The following ECD variants were observed in gnomAD, a reference collection of about 807,000 sequenced individuals.
ECD encodes ecdysoneless cell cycle regulator.
Under a neutral mutation model 77.2 loss-of-function variants are expected in ECD, and 59 were observed. That is an observed-to-expected ratio of 0.76 (90% CI 0.62 to 0.95). The LOEUF is 0.95. Among genes scored for constraint, ECD ranks in the 40% least tolerant of loss-of-function variants. The probability of loss-of-function intolerance (pLI) is 0.00; values close to 1 mark genes in which losing one functional copy is unlikely to be tolerated. For missense variants in ECD, 704 were observed against 763.4 expected, an observed-to-expected ratio of 0.92 and a Z score of 0.92; for synonymous variants, 233 against 267.4, an observed-to-expected ratio of 0.87 and a Z score of 1.26.
At chr10:73,136,617 C>A in intron 13 of ECD, 87 bp downstream of exon 13, 3 of 1,272,766 alleles carry the variant, frequency 2.4e-6, no homozygotes, top group South Asian at 1.4e-5. Context: ...TCTCACACAC[C>A]AAAAAAAGAA....
intron 8 of ECD, among the ~76,000 whole-genome samples, chr10:73,147,603 T>A (rs1285634834): frequency 6.6e-6 from 1 of 152,158 alleles, no homozygotes; most frequent in Non-Finnish European, 1.5e-5. Flanking sequence ...ACTTTTCGTA[T>A]TGCTGTGCCA....
At chr10:73,166,132 T>C (rs767128413) in intron 1 of ECD, among the ~76,000 whole-genome samples, 4 of 152,090 alleles carry the variant, frequency 2.6e-5, no homozygotes, top group Non-Finnish European at 4.4e-5. Flanking sequence ...TTCAGTTCCA[T>C]CCATGTTGTT....
Position 73,139,606 on chromosome 10 carries a change from C to T in ECD, c.1234+25G>A, listed in dbSNP as rs761936712. The T allele has an allele frequency of 8.6e-5, 137 of 1,585,722 alleles. 4 individuals are homozygous for T. The South Asian group carries it at 1.6e-3, about 18-fold the overall frequency. The stretch of plus-strand genomic sequence containing the variant: ...TTTAATTTTTTTTTTTTAACCCTTC[C>T]ACTGTATCCTGGTCCATCACTTACC... On this transcript the variant is annotated intron_variant, in intron 10 of 13. Transcript: ENST00000372979.
At chr10:73,153,130 C>A (rs1353433686) in intron 6 of ECD, among the ~76,000 whole-genome samples, 1 of 151,970 alleles carries the variant, frequency 6.6e-6, no homozygotes, top group Non-Finnish European at 1.5e-5. Context: ...GCTGGCCAGG[C>A]TGGTCTCAAA....
At chr10:73,147,360 C>T (rs1008790916) in intron 8 of ECD, among the ~76,000 whole-genome samples, 3 of 152,256 alleles carry the variant, frequency 2.0e-5, no homozygotes, top group Admixed American at 6.5e-5. Context: ...CCAGCCTGGC[C>T]AACATGGTGA....
At chr10:73,152,930 C>T (rs552490584) in intron 6 of ECD, among the ~76,000 whole-genome samples, 2 of 135,630 alleles carry the variant, frequency 1.5e-5, no homozygotes, top group African/African-American at 6.3e-5. Context: ...AAATTTTACC[C>T]TACTGCCTAC....
At chr10:73,140,908 T>C (rs1843048321) in intron 9 of ECD, among the ~76,000 whole-genome samples, 1 of 151,128 alleles carries the variant, frequency 6.6e-6, no homozygotes, top group African/African-American at 2.4e-5. Context: ...ATAAAACACG[T>C]ACTAAAAATA....
Position 73,154,326 on chromosome 10 carries a change from C to G in ECD, c.713G>C (p.Arg238Pro). The G allele has an allele frequency of 6.2e-7, 1 of 1,614,056 alleles. No individual in the cohort carries two copies. The highest frequency in any genetic ancestry group is 8.5e-7 in the Non-Finnish European group (1 of 1,179,988). ...ACAAGCTCGCAGGTCAATAGGGTCT[C>G]GTAGGTAAAATGCCTGGACTGCTGC... ...VAAAVQAFYL[R>P]DPIDLRACRV... Residue 238 changes from arginine (R) to proline (P), a missense_variant, in exon 6 of 14, where the codon CGA (arginine) becomes CCA (proline). Physicochemically the swap from Arg to Pro is moderately radical, Grantham distance 103 (BLOSUM62 -2). This residue lies in a region of ECD where 559 missense variants were observed against 583.7 expected (regional missense o/e 0.96). Coordinates refer to ENST00000372979, the MANE Select transcript of ECD (RefSeq NM_007265.3).
Position 73,154,541 on chromosome 10 carries a change from A to G in ECD, c.591-93T>C, listed in dbSNP as rs554157804. 4 of 1,227,510 alleles carry G rather than the reference A, an allele frequency of 3.3e-6. No homozygotes were observed. The African/African-American group carries it at 6.1e-5, about 19-fold the overall frequency. The allele number at this position is 1,227,510 out of a possible 1,614,324, so 76.0% of individuals were successfully genotyped here. The stretch of plus-strand genomic sequence containing the variant: ...CATTCTTTTTGACATCTCTTTGTTC[A>G]TCAAGAGCAGTACGTAGAGAGTGAC... On this transcript the variant is annotated intron_variant, in intron 5 of 13. Transcript: ENST00000372979.
intron 11 of ECD, 116 bp from the exon 12 acceptor site, chr10:73,138,186 C>T: frequency 1.4e-6 from 1 of 728,562 alleles, no homozygotes. Flanking sequence ...TAAGGAGGCA[C>T]AGCAAGAAAA....
intron 9 of ECD, among the ~76,000 whole-genome samples, chr10:73,146,003 A>G (rs765754335): frequency 6.6e-6 from 1 of 151,700 alleles, no homozygotes; most frequent in South Asian, 2.1e-4. Flanking sequence ...GGAAAATGTG[A>G]TATCATGATG....
intron 1 of ECD, among the ~76,000 whole-genome samples, chr10:73,167,455 G>C (rs990859488): frequency 5.9e-5 from 9 of 152,112 alleles, no homozygotes; most frequent in African/African-American, 2.2e-4. Context: ...CTTGCTGCCA[G>C]GTGATGCTTG....
chr10:73,146,187 A>G, intron 9 of ECD, 89 bp downstream of exon 9: 3 of 641,522 alleles, frequency 4.7e-6, no homozygotes, highest in Non-Finnish European at 6.5e-6. Flanking sequence ...CAAAAAAATA[A>G]ATAAATAAGA....
chr10:73,155,148 C>T (rs1426713906), intron 5 of ECD, among the ~76,000 whole-genome samples: 1 of 151,908 alleles, frequency 6.6e-6, no homozygotes. Context: ...TCCCTGCAAC[C>T]TCCACCTCCC....
chr10:73,165,338 TTTTTC>T (rs1230473002), intron 1 of ECD, among the ~76,000 whole-genome samples: 2 of 152,000 alleles, frequency 1.3e-5, no homozygotes, highest in African/African-American at 4.8e-5. Context: ...TTCTTTTCTT[TTTTTC>T]TTTTCTTTTT....
chr10:73,151,495 G>A (rs1056787850), intron 7 of ECD, among the ~76,000 whole-genome samples: 13 of 150,884 alleles, frequency 8.6e-5, no homozygotes, highest in Non-Finnish European at 1.6e-4. Flanking sequence ...CCTGCACGTT[G>A]TGCACATGTA....
intron 8 of ECD, among the ~76,000 whole-genome samples, chr10:73,147,807 C>T (rs1843148352): frequency 6.6e-6 from 1 of 152,106 alleles, no homozygotes; most frequent in Admixed American, 6.6e-5. Flanking sequence ...TTTTACCATA[C>T]TCTCGACAGC....
Position 73,163,943 on chromosome 10 carries a change from T to C in ECD, c.-6A>G, listed in dbSNP as rs762174563. The C allele has an allele frequency of 1.5e-5, 24 of 1,613,098 alleles. No homozygotes were observed. In the East Asian group the frequency reaches 5.3e-4, roughly 36 times the overall value. ...AGCTTCATGGTTTCTTCCATTCTTCTTTGAAAACTATGTTTAAAGTTCCAA... is the reference window on the plus strand; with the variant it reads ...AGCTTCATGGTTTCTTCCATTCTTCCTTGAAAACTATGTTTAAAGTTCCAA... On this transcript the variant is annotated 5_prime_UTR_variant, in exon 2 of 14. Coordinates refer to ENST00000372979, the MANE Select transcript of ECD (RefSeq NM_007265.3).
rs751105312 is a variant in ECD at position 73,136,714 on chromosome 10, C to G, written c.1694G>C (p.Arg565Thr). The change falls in exon 13 of 14, where the codon AGG (arginine) becomes ACG (threonine). Residue 565 changes from arginine to threonine, a missense_variant. Arg to Thr is a moderately conservative substitution (Grantham distance 71). Coordinates refer to ENST00000372979, the MANE Select transcript of ECD (RefSeq NM_007265.3). ...TAAAAACACACATACCACTTGGTTCCTAGTGGTGAAACTTTTGCTGATGCA... is the reference window on the plus strand; with the variant it reads ...TAAAAACACACATACCACTTGGTTCGTAGTGGTGAAACTTTTGCTGATGCA... ...HTCISKSFTT[R>T]NQVEPVSQTT... 1 of 1,613,798 alleles carries G rather than the reference C, an allele frequency of 6.2e-7. No individual in the cohort carries two copies. The highest frequency in any genetic ancestry group is 1.1e-5 in the South Asian group (1 of 91,064).
Sources: gnomAD v4.1 joint callset for allele counts (sites outside exome capture counted in the v4.1 genomes callset) on GRCh38, gnomAD v4.1.1 for gene constraint, gnomAD v4.1.1 regional missense constraint, MANE v1.5 for transcripts, NCBI Gene and HGNC (gene_info 2026-07-23, HGNC 2026-07-21) for gene names.